The following FRMPD1 variants were observed in gnomAD, a reference collection of about 807,000 sequenced individuals.
FRMPD1 encodes the protein FERM and PDZ domain-containing protein 1.
Under a neutral mutation model 117.8 loss-of-function variants are expected in FRMPD1, and 76 were observed. That is an observed-to-expected ratio of 0.65 (90% CI 0.54 to 0.78). The LOEUF (loss-of-function observed/expected upper bound fraction) is 0.78. Ranked by LOEUF, FRMPD1 falls within the 30% of genes least tolerant of loss-of-function variation. FRMPD1 has a pLI of 0.00. For synonymous variants in FRMPD1, 783 were observed against 770.4 expected, an observed-to-expected ratio of 1.02 and a Z score of -0.27; for missense variants, 1,786 against 1,964.5, an observed-to-expected ratio of 0.91 and a Z score of 1.72.
In FRMPD1 at chr9:37,745,316, T is replaced by C. The variant is rs1345773330; in HGVS notation, c.3284T>C (p.Ile1095Thr). The C allele has an allele frequency of 3.7e-6, 6 of 1,611,030 alleles. No homozygotes were observed. The highest frequency in any genetic ancestry group is 5.1e-6 in the Non-Finnish European group (6 of 1,177,154). ...DECGINPGEK[I>T]ASIPTKEEPQ... Reference sequence around the variant, plus strand: ...TGTGGAATAAATCCAGGAGAGAAGATAGCTTCTATCCCTACAAAGGAAGAG... The same window carrying C: ...TGTGGAATAAATCCAGGAGAGAAGACAGCTTCTATCCCTACAAAGGAAGAG... The change falls in exon 16 of 16, where the codon ATA (isoleucine) becomes ACA (threonine). Residue 1095 changes from isoleucine to threonine, a missense_variant. By Grantham distance (89) the Ile-to-Thr change is moderately conservative. Coordinates refer to ENST00000377765, the MANE Select transcript of FRMPD1 (RefSeq NM_014907.3).
the FRMPD1 span, among the ~76,000 whole-genome samples, chr9:37,625,267 G>T: frequency 6.6e-6 from 1 of 152,216 alleles, no homozygotes; most frequent in Non-Finnish European, 1.5e-5. Context: ...CTCAGTTCTG[G>T]CACTGTAATT....
Position 37,729,821 on chromosome 9 carries a change from C to T in FRMPD1, c.706C>T (p.His236Tyr). 6.2e-7 allele frequency: 1 copy of T among 1,613,946 alleles called. No individual in the cohort carries two copies. Among genetic ancestry groups the T allele is most frequent in the Non-Finnish European group, 8.5e-7 (1 of 1,179,928 alleles). ...LEEQYSISRL[H>Y]LLHEEELIQQ... is the part of the protein sequence containing the mutation. ...AGAGCAGTACAGCATCTCCCGGCTG[C>T]ACCTGCTGCACGAAGAGGAACTCAT... The change falls in exon 8 of 16, where the codon CAC becomes TAC. Residue 236 changes from histidine to tyrosine, a missense_variant. His to Tyr is a moderately conservative substitution (Grantham distance 83, BLOSUM62 2). Coordinates refer to ENST00000377765, the MANE Select transcript of FRMPD1 (RefSeq NM_014907.3).
At position 37,745,179 on chromosome 9, in the gene FRMPD1, T is replaced by A. The variant is rs1338545762; in HGVS notation, c.3147T>A (p.His1049Gln). ...CACTAGAGCTCCAGTTGGAGCCCCA[T>A]GTCCAGTTGGAAATGGGATTGGAAT... is the stretch of plus-strand genomic sequence containing the variant. ...GDTLELQLEPHVQLEMGLESF... is the reference protein window; with the variant it reads ...GDTLELQLEPQVQLEMGLESF... Residue 1049 changes from histidine (H) to glutamine (Q), a missense_variant, in exon 16 of 16, where the codon CAT becomes CAA. Transcript: ENST00000377765. 2 of 1,613,886 alleles carry A rather than the reference T, an allele frequency of 1.2e-6. No homozygotes were observed. Among genetic ancestry groups the A allele is most frequent in the South Asian group, 1.1e-5 (1 of 91,086 alleles).
chr9:37,625,324 A>G, the FRMPD1 span, among the ~76,000 whole-genome samples: 1 of 152,194 alleles, frequency 6.6e-6, no homozygotes, highest in Non-Finnish European at 1.5e-5. Context: ...ATGAGATATT[A>G]GGGTTGTTCC....
At chr9:37,637,839 T>C in the FRMPD1 span, among the ~76,000 whole-genome samples, 2 of 152,094 alleles carry the variant, frequency 1.3e-5, no homozygotes, top group South Asian at 2.1e-4. Context: ...CAAGGACAAA[T>C]GGTTGCGCGG....
intron 1 of FRMPD1, among the ~76,000 whole-genome samples, chr9:37,653,017 G>A (rs1192861166): frequency 6.6e-6 from 1 of 151,608 alleles, no homozygotes; most frequent in East Asian, 2.0e-4. Context: ...TACGAGCAAG[G>A]AACTGGTGAG....
chr9:37,702,060 A>G (rs538726765), intron 2 of FRMPD1, among the ~76,000 whole-genome samples: 8 of 152,234 alleles, frequency 5.3e-5, no homozygotes, highest in Non-Finnish European at 1.2e-4. Flanking sequence ...CACGGAGAAG[A>G]TAAGTTCTGA....
At chr9:37,741,155 G>T (rs1224396773) in intron 15 of FRMPD1, among the ~76,000 whole-genome samples, 1 of 152,078 alleles carries the variant, frequency 6.6e-6, no homozygotes, top group Non-Finnish European at 1.5e-5. Flanking sequence ...GGGGCAAATG[G>T]GCTGGGCCCT....
At chr9:37,604,267 G>T in the FRMPD1 span, among the ~76,000 whole-genome samples, 1 of 147,088 alleles carries the variant, frequency 6.8e-6, no homozygotes, top group African/African-American at 2.7e-5. Context: ...TTATATTAAA[G>T]ATTATATTAA....
chr9:37,637,378 A>G, the FRMPD1 span: 4 of 707,954 alleles, frequency 5.7e-6, no homozygotes, highest in South Asian at 6.1e-5. Flanking sequence ...ATGTTTTTTC[A>G]ATTTTAGAAA....
chr9:37,661,195 G>A (rs1162476359), intron 1 of FRMPD1, among the ~76,000 whole-genome samples: 3 of 152,128 alleles, frequency 2.0e-5, no homozygotes, highest in Admixed American at 6.5e-5. Context: ...TGCTAATTCG[G>A]TCCAGCTGGC....
chr9:37,653,203 C>T (rs952316723), intron 1 of FRMPD1, among the ~76,000 whole-genome samples: 3 of 152,044 alleles, frequency 2.0e-5, no homozygotes, highest in Non-Finnish European at 4.4e-5. Context: ...ATTCGTAAAA[C>T]GGGAATAATA....
At chr9:37,649,542 C>T (rs138030569), upstream of FRMPD1, among the ~76,000 whole-genome samples, 669 of 152,266 alleles carry the variant, frequency 4.4e-3, 2 homozygotes, top group South Asian at 0.013. Context: ...TGGAGCCACT[C>T]AGGAGTTTCT....
chr9:37,685,032 G>A (rs1821872173), intron 1 of FRMPD1, among the ~76,000 whole-genome samples: 1 of 152,060 alleles, frequency 6.6e-6, no homozygotes, highest in South Asian at 2.1e-4. Context: ...TGGATTACAG[G>A]CATGAGCCAC....
upstream of FRMPD1, among the ~76,000 whole-genome samples, chr9:37,646,392 T>G (rs191259342): frequency 1.2e-3 from 185 of 152,302 alleles, no homozygotes; most frequent in African/African-American, 4.2e-3. Context: ...GAAAGAGACC[T>G]GGAAGGTCAT....
the FRMPD1 span, chr9:37,637,206 C>T: frequency 1.9e-6 from 3 of 1,610,996 alleles, no homozygotes; most frequent in Non-Finnish European, 2.5e-6. Context: ...TAAGGGTCAT[C>T]AGCAAACCGC....
chr9:37,656,263 G>A (rs149966777), intron 1 of FRMPD1, among the ~76,000 whole-genome samples: 1 of 152,302 alleles, frequency 6.6e-6, no homozygotes, highest in African/African-American at 2.4e-5. Context: ...GGTTGCATAT[G>A]GTTGTCAGCT....
the FRMPD1 span, among the ~76,000 whole-genome samples, chr9:37,642,056 A>G: frequency 1.3e-5 from 2 of 152,224 alleles, no homozygotes. Context: ...GGATCACTAC[A>G]GCAAAACTAT....
chr9:37,746,709 G>A lies in FRMPD1; in HGVS notation c.4677G>A (p.Thr1559=), dbSNP rs903349045. ...LSVKLLARQC[T]ALTAAVFCLT... ...TGAAACTCCTGGCCCGTCAGTGCAC[G>A]GCCCTCACGGCCGCCGTGTTCTGTT... is the stretch of plus-strand genomic sequence containing the variant. Residue 1559 remains threonine, a synonymous_variant, in exon 16 of 16, where the codon ACG becomes ACA. Coordinates refer to ENST00000377765, the MANE Select transcript of FRMPD1 (RefSeq NM_014907.3). 1.2e-6 allele frequency: 2 copies of A among 1,614,016 alleles called. No individual in the cohort carries two copies. The highest frequency in any genetic ancestry group is 1.7e-6 in the Non-Finnish European group (2 of 1,180,036).
Sources: gnomAD v4.1 joint callset for allele counts (sites outside exome capture counted in the v4.1 genomes callset) on GRCh38, gnomAD v4.1.1 for gene constraint, MANE v1.5 for transcripts, NCBI Gene and HGNC (gene_info 2026-07-23, HGNC 2026-07-21) for gene names.